The following FILIP1L variants were observed in gnomAD, a reference collection of about 807,000 sequenced individuals.
FILIP1L encodes the protein filamin A interacting protein 1 like, also known as filamin A-interacting protein 1-like.
Under a neutral mutation model 96.6 loss-of-function variants are expected in FILIP1L, and 55 were observed. That is an observed-to-expected ratio of 0.57 (90% CI 0.46 to 0.71). The LOEUF (loss-of-function observed/expected upper bound fraction) is 0.71. Among genes scored for constraint, FILIP1L ranks in the 30% least tolerant of loss-of-function variants. The probability of loss-of-function intolerance (pLI) is 0.00; values close to 1 mark genes in which losing one functional copy is unlikely to be tolerated. For missense variants in FILIP1L, 1,304 were observed against 1,321.2 expected (o/e 0.99, Z 0.20); for synonymous variants, 467 against 473.9 (o/e 0.99, Z 0.19).
Position 99,988,717 on chromosome 3 carries a change from C to T in FILIP1L, c.-10-57687G>A, listed in dbSNP as rs4434174. ...ACCCTTTCTATTTGTTTCCTTTAAA[C>T]ATAAAAAAAGCATTGTCTGGATTGC... On this transcript the variant is annotated intron_variant, in intron 1 of 5. Transcript: ENST00000477258. Among the ~76,000 whole-genome samples, 761 of 152,166 alleles carry T rather than the reference C, an allele frequency of 5.0e-3. 5 individuals carry two copies. Among genetic ancestry groups the T allele is most frequent in the African/African-American group, 0.017 (716 of 41,524 alleles).
At chr3:100,044,872 C>G (rs1038705919) in intron 1 of FILIP1L, among the ~76,000 whole-genome samples, 9 of 152,172 alleles carry the variant, frequency 5.9e-5, no homozygotes, top group Non-Finnish European at 8.8e-5. Context: ...GTAGAGCTGA[C>G]AGGACTAGTG....
At chr3:99,848,177 C>A in intron 5 of FILIP1L, 118 bp downstream of exon 5, 1 of 1,536,910 alleles carries the variant, frequency 6.5e-7, no homozygotes, top group Non-Finnish European at 8.7e-7. Flanking sequence ...TCCCAAAGTA[C>A]GAGTTCAGTC....
intron 4 of FILIP1L, among the ~76,000 whole-genome samples, chr3:99,853,653 T>C (rs1943814854): frequency 6.6e-6 from 1 of 152,226 alleles, no homozygotes; most frequent in Non-Finnish European, 1.5e-5. Context: ...TAAGCATCTT[T>C]TTCATGGTTT....
chr3:100,081,618 A>C (rs530253810), intron 1 of FILIP1L, among the ~76,000 whole-genome samples: 31 of 152,360 alleles, frequency 2.0e-4, no homozygotes, highest in African/African-American at 7.5e-4. Context: ...TGAAGTCTGC[A>C]TGCCAGTATA....
At chr3:100,052,170 T>C (rs144611066) in intron 1 of FILIP1L, among the ~76,000 whole-genome samples, 4 of 152,300 alleles carry the variant, frequency 2.6e-5, no homozygotes, top group East Asian at 1.9e-4. Context: ...TGCACACTTA[T>C]AATAGGCAAA....
chr3:99,887,544 T>G (rs371506751), intron 4 of FILIP1L, among the ~76,000 whole-genome samples: 128 of 152,332 alleles, frequency 8.4e-4, no homozygotes, highest in Admixed American at 1.6e-3. Context: ...TAGTGGGTTC[T>G]GGGTTTTAAC....
intron 4 of FILIP1L, among the ~76,000 whole-genome samples, chr3:99,882,867 T>C (rs1705773899): frequency 2.0e-5 from 3 of 152,240 alleles, no homozygotes; most frequent in Non-Finnish European, 4.4e-5. Flanking sequence ...GCATTTGTTT[T>C]AAATTGGAGA....
intron 1 of FILIP1L, among the ~76,000 whole-genome samples, chr3:99,983,348 AC>A (rs1709183713): frequency 6.9e-6 from 1 of 145,860 alleles, no homozygotes; most frequent in Admixed American, 7.0e-5. Context: ...AGCCTGGCCA[AC>A]ATGGTGAAAC....
chr3:100,091,013 C>T (rs2066095153), intron 1 of FILIP1L, among the ~76,000 whole-genome samples: 1 of 152,188 alleles, frequency 6.6e-6, no homozygotes, highest in African/African-American at 2.4e-5. Context: ...GGCCCGGGCA[C>T]AGTGGCTCAC....
At chr3:99,858,819 T>A (rs1027341233) in intron 4 of FILIP1L, among the ~76,000 whole-genome samples, 1 of 152,224 alleles carries the variant, frequency 6.6e-6, no homozygotes, top group African/African-American at 2.4e-5. Context: ...CTCCAGAGGA[T>A]AGACAGTTGA....
intron 4 of FILIP1L, among the ~76,000 whole-genome samples, chr3:99,869,467 C>G (rs563022010): frequency 1.3e-5 from 2 of 152,238 alleles, no homozygotes; most frequent in Non-Finnish European, 2.9e-5. Flanking sequence ...GATAATTTTC[C>G]TTTTAGCAGC....
intron 4 of FILIP1L, among the ~76,000 whole-genome samples, chr3:99,918,327 A>C (rs995636230): frequency 1.3e-5 from 2 of 152,136 alleles, no homozygotes; most frequent in Non-Finnish European, 2.9e-5. Flanking sequence ...AATTTGCCAA[A>C]AGTTATACAT....
chr3:99,921,441 C>CGT (rs1379511528), intron 4 of FILIP1L, among the ~76,000 whole-genome samples: 4 of 152,096 alleles, frequency 2.6e-5, no homozygotes, highest in Non-Finnish European at 5.9e-5. Flanking sequence ...GAAGGGTGGA[C>CGT]GTGAATGGGC....
chr3:100,108,161 A>G (rs1055403790), intron 1 of FILIP1L, among the ~76,000 whole-genome samples: 1 of 152,136 alleles, frequency 6.6e-6, no homozygotes, highest in African/African-American at 2.4e-5. Context: ...TTTCTAGCCC[A>G]TGGCTTCTTA....
At chr3:100,102,331 T>TA (rs1171353267) in intron 1 of FILIP1L, among the ~76,000 whole-genome samples, 1 of 152,192 alleles carries the variant, frequency 6.6e-6, no homozygotes, top group Non-Finnish European at 1.5e-5. Flanking sequence ...TATGAGATGG[T>TA]ATCTCATTGT....
At chr3:100,087,775 T>C (rs2066036344) in intron 1 of FILIP1L, among the ~76,000 whole-genome samples, 1 of 151,938 alleles carries the variant, frequency 6.6e-6, no homozygotes, top group African/African-American at 2.4e-5. Flanking sequence ...TCTGGTATTG[T>C]ACCTAAGGAA....
intron 1 of FILIP1L, among the ~76,000 whole-genome samples, chr3:100,073,018 A>T (rs542359259): frequency 6.6e-6 from 1 of 152,288 alleles, no homozygotes; most frequent in Non-Finnish European, 1.5e-5. Context: ...CTTAATATAT[A>T]TCTTGATTAA....
intron 1 of FILIP1L, among the ~76,000 whole-genome samples, chr3:100,068,379 T>A (rs1294462066): frequency 6.6e-6 from 1 of 151,144 alleles, no homozygotes; most frequent in Non-Finnish European, 1.5e-5. Context: ...TGTGTGTGTG[T>A]GTGTCAGAGA....
In FILIP1L at chr3:99,851,041, T is replaced by G; in HGVS notation, c.635A>C (p.Lys212Thr). 1 of 1,594,852 alleles carries G rather than the reference T, an allele frequency of 6.3e-7. No individual in the cohort carries two copies. Among genetic ancestry groups the G allele is most frequent in the Non-Finnish European group, 8.5e-7 (1 of 1,174,656 alleles). The part of the protein sequence containing the change: ...RLKKLIDQEI[K>T]SQEEKEQEKE... Reference sequence around the variant, plus strand: ...TTCTTGCTCCTTCTCCTCCTGAGACTTGATTTCTTGATCAATTAGCTTCTT... The same window carrying G: ...TTCTTGCTCCTTCTCCTCCTGAGACGTGATTTCTTGATCAATTAGCTTCTT... Residue 212 changes from lysine (K) to threonine (T), a missense_variant, in exon 5 of 6, where the codon AAG (lysine) becomes ACG (threonine). Physicochemically the swap from Lys to Thr is moderately conservative, Grantham distance 78 (BLOSUM62 -1). Transcript: ENST00000477258.
Sources: allele counts gnomAD v4.1 joint callset (sites outside exome capture counted in the v4.1 genomes callset), GRCh38; gene constraint gnomAD v4.1.1; transcripts MANE v1.5; gene names NCBI Gene and HGNC (gene_info 2026-07-23, HGNC 2026-07-21).